Variants in PTPRN2 observed in about 807,000 individuals in gnomAD.
PTPRN2 encodes protein tyrosine phosphatase receptor type N2, also known as receptor-type tyrosine-protein phosphatase N2.
A neutral mutation model predicts 118.8 loss-of-function variants in PTPRN2; 74 were observed. That is an observed-to-expected ratio of 0.62 (90% confidence interval 0.52 to 0.76). The LOEUF (loss-of-function observed/expected upper bound fraction) is 0.76. PTPRN2 is among the 30% of genes least tolerant of loss of function. The pLI is 0.00. For synonymous variants in PTPRN2, 641 were observed against 608.0 expected, an observed-to-expected ratio of 1.05 and a Z score of -0.80; for missense variants, 1,481 against 1,394.4, an observed-to-expected ratio of 1.06 and a Z score of -0.99.
At chr7:157,908,510 G>A (rs754607234) in intron 11 of PTPRN2, among the ~76,000 whole-genome samples, 18 of 152,310 alleles carry the variant, frequency 1.2e-4, no homozygotes, top group Non-Finnish European at 2.1e-4. Flanking sequence ...CCACTCTTGC[G>A]TTTCTTTGCA....
At position 158,138,362 on chromosome 7, in the gene PTPRN2, G is replaced by A. The variant is rs151281414; in HGVS notation, c.1064C>T (p.Ala355Val). 6.7e-4 allele frequency: 1,089 copies of A among 1,613,754 alleles called. 7 individuals carry two copies. In the African/African-American group the frequency reaches 0.011, roughly 16 times the overall value. Reference sequence around the variant, plus strand: ...CTGTTCTCCAGACTCTCCCAGGGCCGCTCTCCCAGGGCTGCCTCGAGCTAC... The same window carrying A: ...CTGTTCTCCAGACTCTCCCAGGGCCACTCTCCCAGGGCTGCCTCGAGCTAC... ...HGVARGSPGR[A>V]ALGESGEQAD... Residue 355 changes from alanine (A) to valine (V), a missense_variant, in exon 7 of 23, where the codon GCG becomes GTG. Physicochemically the swap from Ala to Val is moderately conservative, Grantham distance 64 (BLOSUM62 0). Transcript: ENST00000389418.
chr7:157,752,265 A>T (rs1236674576), intron 12 of PTPRN2, among the ~76,000 whole-genome samples: 1 of 152,214 alleles, frequency 6.6e-6, no homozygotes, highest in African/African-American at 2.4e-5. Context: ...GGAACGTCGT[A>T]AGTGCTGCCT....
intron 1 of PTPRN2, among the ~76,000 whole-genome samples, chr7:158,543,831 G>T (rs1826133046): frequency 6.6e-6 from 1 of 152,212 alleles, no homozygotes; most frequent in Non-Finnish European, 1.5e-5. Flanking sequence ...GATCTTGTCT[G>T]GGTCTCGGAG....
intron 10 of PTPRN2, among the ~76,000 whole-genome samples, chr7:158,102,937 C>A (rs571836643): frequency 6.6e-6 from 1 of 152,140 alleles, no homozygotes; most frequent in African/African-American, 2.4e-5. Context: ...TGCTCCTCAG[C>A]GGCATCAGAG....
rs183891426 is a variant in PTPRN2, at chr7:157,580,882, A to C, written c.2497-2742T>G. Among the ~76,000 whole-genome samples the C allele has an allele frequency of 2.5e-3, 141 of 55,986 alleles. 2 individuals carry two copies. The highest frequency in any genetic ancestry group is 4.0e-3 in the African/African-American group (57 of 14,128). 36.7% of individuals were successfully genotyped at this position (55,986 alleles called of 152,430 possible). ...CACCCCAGCCCCTGCACACCCCAGC[A>C]CCTGCACACCCCAGCACCTCCACAC... On this transcript the variant is annotated intron_variant, in intron 17 of 22. Coordinates refer to ENST00000389418, the MANE Select transcript of PTPRN2 (RefSeq NM_002847.5).
At chr7:157,836,846 TCATCCATC>T (rs879515678) in intron 12 of PTPRN2, among the ~76,000 whole-genome samples, 3 of 151,848 alleles carry the variant, frequency 2.0e-5, no homozygotes, top group South Asian at 2.1e-4. Flanking sequence ...GTGTGTCCAT[TCATCCATC>T]CATCCATCCA....
intron 2 of PTPRN2, among the ~76,000 whole-genome samples, chr7:158,436,137 G>A (rs965092505): frequency 1.3e-5 from 2 of 152,110 alleles, no homozygotes; most frequent in Non-Finnish European, 2.9e-5. Context: ...ATCGCATCCT[G>A]GATAATGCCA....
chr7:157,940,908 C>CT (rs1800046686), intron 11 of PTPRN2, among the ~76,000 whole-genome samples: 1 of 52,828 alleles, frequency 1.9e-5, no homozygotes, highest in African/African-American at 1.7e-4. Context: ...ATCTAACACC[C>CT]CCCCGTGACA....
Position 158,110,435 on chromosome 7 carries a change from G to A in PTPRN2, c.1643+394C>T, listed in dbSNP as rs183778109. Among the ~76,000 whole-genome samples the A allele has an allele frequency of 7.5e-4, 114 of 152,308 alleles. 2 individuals are homozygous for A. The East Asian group carries it at 8.7e-3, about 12-fold the overall frequency. On this transcript the variant is annotated intron_variant, in intron 10 of 22. Coordinates refer to ENST00000389418, the MANE Select transcript of PTPRN2 (RefSeq NM_002847.5). ...CAAAGCCAGGTCTCCGAAGGGCAGC[G>A]CATTTTCCTGACAGCCAGGGACAGG...
At chr7:158,127,694 CAG>C (rs1476185403) in intron 9 of PTPRN2, among the ~76,000 whole-genome samples, 1 of 152,142 alleles carries the variant, frequency 6.6e-6, no homozygotes, top group Non-Finnish European at 1.5e-5. Context: ...CTGGGGTAGG[CAG>C]AGAGAGGCAT....
chr7:158,030,649 G>A (rs1429519721), intron 11 of PTPRN2: 2 of 152,528 alleles, frequency 1.3e-5, no homozygotes, highest in Non-Finnish European at 2.9e-5. Context: ...GCAGAGGTGG[G>A]AGGGAGGCCC....
intron 2 of PTPRN2, among the ~76,000 whole-genome samples, chr7:158,384,161 C>T (rs1811162349): frequency 6.6e-6 from 1 of 152,196 alleles, no homozygotes; most frequent in Non-Finnish European, 1.5e-5. Context: ...AGGTACTTGG[C>T]ACACATGTCT....
chr7:158,021,263 G>A (rs1806852049), intron 11 of PTPRN2, among the ~76,000 whole-genome samples: 1 of 152,088 alleles, frequency 6.6e-6, no homozygotes, highest in Non-Finnish European at 1.5e-5. Context: ...GGAAAGAATT[G>A]GATGCTATTC....
chr7:158,371,142 C>A (rs757777293), intron 2 of PTPRN2, among the ~76,000 whole-genome samples: 1 of 152,050 alleles, frequency 6.6e-6, no homozygotes, highest in Admixed American at 6.5e-5. Context: ...GGAAGAAACA[C>A]GGGCCCACAG....
chr7:157,943,820 G>A (rs574990061), intron 11 of PTPRN2, among the ~76,000 whole-genome samples: 3 of 152,194 alleles, frequency 2.0e-5, no homozygotes, highest in Non-Finnish European at 4.4e-5. Flanking sequence ...TCAAGCTCCT[G>A]TCTCCTTTCA....
intron 11 of PTPRN2, among the ~76,000 whole-genome samples, chr7:158,067,552 C>T (rs1810867219): frequency 2.0e-5 from 3 of 152,160 alleles, no homozygotes; most frequent in South Asian, 4.2e-4. Flanking sequence ...TCAGGGGCCC[C>T]GTTTGCAGAA....
chr7:157,745,611 G>A (rs917407982), intron 12 of PTPRN2, among the ~76,000 whole-genome samples: 1 of 152,114 alleles, frequency 6.6e-6, no homozygotes, highest in Non-Finnish European at 1.5e-5. Context: ...TGGGACACTG[G>A]GCAGAGGCTG....
chr7:158,168,149 A>G (rs981248752), intron 5 of PTPRN2, among the ~76,000 whole-genome samples: 7 of 152,202 alleles, frequency 4.6e-5, no homozygotes, highest in Non-Finnish European at 1.0e-4. Context: ...CTTTGCCAAC[A>G]CTTGCTACTT....
chr7:158,224,749 C>G (rs1828622910), intron 3 of PTPRN2, among the ~76,000 whole-genome samples: 4 of 152,256 alleles, frequency 2.6e-5, no homozygotes, highest in Admixed American at 2.0e-4. Flanking sequence ...AAATTAAAAA[C>G]TTTTGCTCTG....
Sources: gnomAD v4.1 joint callset for allele counts (sites outside exome capture counted in the v4.1 genomes callset) on GRCh38, gnomAD v4.1.1 for gene constraint, MANE v1.5 for transcripts, NCBI Gene and HGNC (gene_info 2026-07-23, HGNC 2026-07-21) for gene names.